The following NUP210L variants were observed in gnomAD, a reference collection of about 807,000 sequenced individuals.
NUP210L encodes the protein nucleoporin 210 like.
NUP210L carries 74 observed loss-of-function variants against 208.5 expected under a neutral mutation model. That is an observed-to-expected ratio of 0.35 (90% CI 0.29 to 0.43). The LOEUF is 0.43. NUP210L is among the 20% of genes least tolerant of loss of function. The pLI is 1.00. For missense variants in NUP210L, 1,843 were observed against 2,289.4 expected, an observed-to-expected ratio of 0.81 and a Z score of 3.98; for synonymous variants, 780 against 816.9, an observed-to-expected ratio of 0.95 and a Z score of 0.77.
chr1:154,140,847 A>C (rs2148143820), intron 4 of NUP210L, among the ~76,000 whole-genome samples: 1 of 151,404 alleles, frequency 6.6e-6, no homozygotes, highest in Non-Finnish European at 1.5e-5. Context: ...AAAAAAAATT[A>C]GCTGGGCGTG....
chr1:154,074,025 T>C (rs543581722), intron 16 of NUP210L, among the ~76,000 whole-genome samples: 3 of 151,478 alleles, frequency 2.0e-5, no homozygotes, highest in Non-Finnish European at 2.9e-5. Flanking sequence ...AAGTTTTTTT[T>C]TTTTGTCGTT....
At chr1:154,020,028 T>TA (rs1651468447) in intron 32 of NUP210L, among the ~76,000 whole-genome samples, 1 of 152,236 alleles carries the variant, frequency 6.6e-6, no homozygotes, top group South Asian at 2.1e-4. Context: ...TTGCCAACCT[T>TA]AAAGTAGGTT....
chr1:154,057,254 A>AG (rs1653917947), intron 22 of NUP210L, among the ~76,000 whole-genome samples: 1 of 152,164 alleles, frequency 6.6e-6, no homozygotes, highest in African/African-American at 2.4e-5. Flanking sequence ...CTGGGATTGC[A>AG]GCATGAGTCA....
At chr1:154,117,397 A>G (rs1318486547) in intron 12 of NUP210L, among the ~76,000 whole-genome samples, 1 of 152,168 alleles carries the variant, frequency 6.6e-6, no homozygotes, top group Admixed American at 6.6e-5. Flanking sequence ...CCTGGCCAAC[A>G]TGGAGAAACC....
intron 5 of NUP210L, among the ~76,000 whole-genome samples, chr1:154,139,537 T>G (rs1571320425): frequency 6.6e-6 from 1 of 151,900 alleles, no homozygotes; most frequent in Non-Finnish European, 1.5e-5. Flanking sequence ...AATGAAAAAT[T>G]TATAACACTG....
intron 25 of NUP210L, among the ~76,000 whole-genome samples, chr1:154,047,679 T>C (rs1653261009): frequency 6.6e-6 from 1 of 152,218 alleles, no homozygotes; most frequent in Non-Finnish European, 1.5e-5. Context: ...GAACCAATGC[T>C]TATCACTGGC....
intron 16 of NUP210L, among the ~76,000 whole-genome samples, chr1:154,070,713 T>C (rs1557955364): frequency 6.6e-6 from 1 of 152,176 alleles, no homozygotes; most frequent in Admixed American, 6.5e-5. Flanking sequence ...TCACCTTCCA[T>C]ATATGGCTGT....
intron 20 of NUP210L, among the ~76,000 whole-genome samples, chr1:154,060,122 C>A (rs1654058805): frequency 6.6e-6 from 1 of 152,060 alleles, no homozygotes; most frequent in Non-Finnish European, 1.5e-5. Flanking sequence ...TCCTGTAATC[C>A]CAGCTACTCA....
intron 35 of NUP210L, among the ~76,000 whole-genome samples, chr1:154,004,905 G>A (rs191409651): frequency 1.4e-5 from 2 of 138,424 alleles, no homozygotes; most frequent in African/African-American, 5.3e-5. Flanking sequence ...CCAGGCTGGA[G>A]TGTAGTGGCA....
chr1:154,114,816 C>T (rs1256250698), intron 12 of NUP210L, among the ~76,000 whole-genome samples: 2 of 150,984 alleles, frequency 1.3e-5, no homozygotes, highest in South Asian at 2.1e-4. Context: ...AGGCTGGTCT[C>T]GAACTCCTGG....
chr1:153,999,468 T>A (rs886105931), intron 37 of NUP210L, among the ~76,000 whole-genome samples: 1 of 152,124 alleles, frequency 6.6e-6, no homozygotes, highest in African/African-American at 2.4e-5. Context: ...CCGGGTGCGG[T>A]GGCTCATGCC....
At chr1:154,147,047 T>C (rs1659154412) in intron 2 of NUP210L, among the ~76,000 whole-genome samples, 1 of 152,162 alleles carries the variant, frequency 6.6e-6, no homozygotes. Flanking sequence ...TCCAGGCCAA[T>C]TCCCCTTCCT....
chr1:154,129,863 C>T (rs914792501), intron 7 of NUP210L, among the ~76,000 whole-genome samples: 1 of 152,206 alleles, frequency 6.6e-6, no homozygotes, highest in Non-Finnish European at 1.5e-5. Flanking sequence ...ATGTTCTCTG[C>T]ATGCCATCAA....
intron 28 of NUP210L, 76 bp downstream of exon 28, chr1:154,029,820 C>T: frequency 1.7e-6 from 2 of 1,158,952 alleles, no homozygotes; most frequent in Non-Finnish European, 2.5e-6. Flanking sequence ...CCAGACTAAG[C>T]TCTTTGTTGA....
At chr1:154,039,056 C>A (rs571062867) in intron 27 of NUP210L, among the ~76,000 whole-genome samples, 7 of 152,072 alleles carry the variant, frequency 4.6e-5, no homozygotes, top group Non-Finnish European at 5.9e-5. Context: ...ACAATTACAG[C>A]GTTATAATAT....
intron 7 of NUP210L, among the ~76,000 whole-genome samples, chr1:154,131,040 G>A (rs1025800530): frequency 6.6e-5 from 10 of 152,014 alleles, no homozygotes; most frequent in African/African-American, 2.2e-4. Flanking sequence ...GCCGAGACGG[G>A]TGGATCACGA....
intron 12 of NUP210L, among the ~76,000 whole-genome samples, chr1:154,106,685 G>A (rs951732353): frequency 5.9e-5 from 9 of 152,172 alleles, no homozygotes; most frequent in Admixed American, 5.9e-4. Flanking sequence ...TGTTTGTTTG[G>A]GCAAAAGAAA....
chr1:154,017,303 G>A (rs1360515807), intron 33 of NUP210L, among the ~76,000 whole-genome samples: 1 of 151,382 alleles, frequency 6.6e-6, no homozygotes, highest in Non-Finnish European at 1.5e-5. Flanking sequence ...AAAAAGGGGG[G>A]GGCTCAGGTC....
intron 14 of NUP210L, among the ~76,000 whole-genome samples, chr1:154,096,093 C>T (rs894833906): frequency 1.3e-5 from 2 of 152,122 alleles, no homozygotes; most frequent in African/African-American, 4.8e-5. Context: ...TATCCATTCC[C>T]GAGGCCCCAC....
Sources: allele counts gnomAD v4.1 joint callset (sites outside exome capture counted in the v4.1 genomes callset), GRCh38; gene constraint gnomAD v4.1.1; transcripts MANE v1.5; gene names NCBI Gene and HGNC (gene_info 2026-07-23, HGNC 2026-07-21).